GPC6: variants seen among roughly 807,000 people sequenced by gnomAD.
GPC6 encodes glypican-6.
Under a neutral mutation model 55.2 loss-of-function variants are expected in GPC6, and 14 were observed. The ratio of observed to expected loss-of-function variants is 0.25; its 90% CI spans 0.17 to 0.40. The LOEUF (loss-of-function observed/expected upper bound fraction) is 0.40. Among genes scored for constraint, GPC6 ranks in the 10% least tolerant of loss-of-function variants. The probability of loss-of-function intolerance (pLI) is 1.00; values close to 1 mark genes in which losing one functional copy is unlikely to be tolerated. For missense variants in GPC6, 641 were observed against 708.5 expected, an observed-to-expected ratio of 0.90 and a Z score of 1.08; for synonymous variants, 278 against 259.6, an observed-to-expected ratio of 1.07 and a Z score of -0.68.
intron 1 of GPC6, among the ~76,000 whole-genome samples, chr13:93,389,286 A>G (rs1258791648): frequency 1.3e-5 from 2 of 152,060 alleles, no homozygotes; most frequent in Non-Finnish European, 2.9e-5. Context: ...TCACGAGGTC[A>G]GGAGATCGAG....
intron 1 of GPC6, among the ~76,000 whole-genome samples, chr13:93,526,830 A>G (rs1037601955): frequency 6.6e-6 from 1 of 152,082 alleles, no homozygotes; most frequent in African/African-American, 2.4e-5. Context: ...TCAGATTGTT[A>G]TTTTGCATAT....
chr13:93,956,459 A>T (rs1441934871), intron 3 of GPC6, among the ~76,000 whole-genome samples: 1 of 152,182 alleles, frequency 6.6e-6, no homozygotes, highest in Non-Finnish European at 1.5e-5. Flanking sequence ...ACAGAAATTC[A>T]CATTAAATAC....
At chr13:93,516,577 A>C (rs1881201707) in intron 1 of GPC6, among the ~76,000 whole-genome samples, 1 of 152,204 alleles carries the variant, frequency 6.6e-6, no homozygotes, top group African/African-American at 2.4e-5. Flanking sequence ...AATCAATGTA[A>C]GTTAAGTTTT....
At chr13:94,049,269 A>G (rs1180098079) in intron 4 of GPC6, among the ~76,000 whole-genome samples, 1 of 145,416 alleles carries the variant, frequency 6.9e-6, no homozygotes, top group Non-Finnish European at 1.5e-5. Flanking sequence ...AAAAAGAGGC[A>G]TTGTCCCTGT....
At chr13:94,388,879 G>A (rs747779691) in intron 7 of GPC6, among the ~76,000 whole-genome samples, 1 of 152,094 alleles carries the variant, frequency 6.6e-6, no homozygotes, top group African/African-American at 2.4e-5. Context: ...ATCACACTGG[G>A]GATTAGGGCT....
intron 4 of GPC6, among the ~76,000 whole-genome samples, chr13:94,241,148 G>A (rs576429939): frequency 3.9e-5 from 6 of 152,264 alleles, no homozygotes; most frequent in Admixed American, 1.3e-4. Context: ...TCTTGGTCAC[G>A]TGAGGATACA....
Position 93,656,216 on chromosome 13 carries a change from CA to C in GPC6, c.319+110796del, listed in dbSNP as rs1296135523. Among the ~76,000 whole-genome samples, 7 of 152,156 alleles carry C rather than the reference CA, an allele frequency of 4.6e-5. No individual in the cohort carries two copies. The East Asian group carries it at 1.4e-3, about 29-fold the overall frequency. ...AATTGTGAAGATATACAAAAAGAAACATATTGGATAATGTAAACGGTGTCAG... is the reference window on the plus strand; with the variant it reads ...AATTGTGAAGATATACAAAAAGAAACTATTGGATAATGTAAACGGTGTCAG... On this transcript the variant is annotated intron_variant, in intron 2 of 8. Transcript: ENST00000377047.
chr13:93,449,604 G>A (rs1878143778), intron 1 of GPC6, among the ~76,000 whole-genome samples: 1 of 152,120 alleles, frequency 6.6e-6, no homozygotes, highest in South Asian at 2.1e-4. Flanking sequence ...GAGGTGGGTG[G>A]ATCACCTGAG....
chr13:93,348,916 A>G (rs1200162199), intron 1 of GPC6, among the ~76,000 whole-genome samples: 1 of 152,180 alleles, frequency 6.6e-6, no homozygotes, highest in Non-Finnish European at 1.5e-5. Context: ...TCCCCTCCAT[A>G]GAGAATACAT....
chr13:93,812,347 CTG>C (rs1179457181), intron 2 of GPC6, among the ~76,000 whole-genome samples: 4 of 151,412 alleles, frequency 2.6e-5, no homozygotes, highest in Non-Finnish European at 5.9e-5. Flanking sequence ...GGTCGTGCCA[CTG>C]CACTCCAGCC....
At chr13:93,767,970 A>T (rs1473425001) in intron 2 of GPC6, among the ~76,000 whole-genome samples, 3 of 152,142 alleles carry the variant, frequency 2.0e-5, no homozygotes, top group Non-Finnish European at 4.4e-5. Flanking sequence ...AGTTACAAGC[A>T]CTATGGAAAT....
At chr13:94,087,216 G>C (rs1254745271) in intron 4 of GPC6, among the ~76,000 whole-genome samples, 2 of 152,178 alleles carry the variant, frequency 1.3e-5, no homozygotes, top group Non-Finnish European at 2.9e-5. Flanking sequence ...AAGAAATTCT[G>C]CCTTTCATAT....
At chr13:93,508,369 G>A (rs1269652780) in intron 1 of GPC6, among the ~76,000 whole-genome samples, 4 of 152,190 alleles carry the variant, frequency 2.6e-5, no homozygotes, top group South Asian at 4.1e-4. Context: ...AGGGAATACA[G>A]AGTGCAAAAT....
rs560770853 is a variant in GPC6, at chr13:93,479,460, G to A, written c.161-65803G>A. Reference sequence around the variant, plus strand: ...AGATGATCTGAGAAGTTAAAGTTAGGAGAAGTATCTAACAATTAGCGCTGT... The same window carrying A: ...AGATGATCTGAGAAGTTAAAGTTAGAAGAAGTATCTAACAATTAGCGCTGT... On this transcript the variant is annotated intron_variant, in intron 1 of 8. Coordinates refer to ENST00000377047, the MANE Select transcript of GPC6 (RefSeq NM_005708.5). Among the ~76,000 whole-genome samples, 6 of 152,232 alleles carry A rather than the reference G, an allele frequency of 3.9e-5. No individual in the cohort carries two copies. In the South Asian group the frequency reaches 1.2e-3, roughly 32 times the overall value.
chr13:93,979,580 G>A (rs1346002470), intron 3 of GPC6, among the ~76,000 whole-genome samples: 1 of 152,012 alleles, frequency 6.6e-6, no homozygotes, highest in African/African-American at 2.4e-5. Flanking sequence ...GAAATTGAAA[G>A]TAAGCATTTA....
At chr13:94,071,936 C>T (rs1458069880) in intron 4 of GPC6, among the ~76,000 whole-genome samples, 1 of 152,198 alleles carries the variant, frequency 6.6e-6, no homozygotes, top group Non-Finnish European at 1.5e-5. Flanking sequence ...TACAGATAGA[C>T]TTTCCTAAAT....
intron 2 of GPC6, among the ~76,000 whole-genome samples, chr13:93,672,605 G>A (rs1373937440): frequency 6.6e-6 from 1 of 150,610 alleles, no homozygotes; most frequent in African/African-American, 2.4e-5. Context: ...AATTGAATTG[G>A]ACTTCTTTCA....
intron 2 of GPC6, among the ~76,000 whole-genome samples, chr13:93,701,129 G>T (rs890735671): frequency 6.6e-6 from 1 of 152,038 alleles, no homozygotes; most frequent in African/African-American, 2.4e-5. Context: ...ACAAGGAGAG[G>T]TTATAAAATA....
chr13:94,193,531 T>C (rs993183917), intron 4 of GPC6, among the ~76,000 whole-genome samples: 1 of 152,164 alleles, frequency 6.6e-6, no homozygotes, highest in Admixed American at 6.5e-5. Flanking sequence ...TCGAGTGTGC[T>C]GTAGCATATG....
Sources: allele counts gnomAD v4.1 joint callset (sites outside exome capture counted in the v4.1 genomes callset), GRCh38; gene constraint gnomAD v4.1.1; transcripts MANE v1.5; gene names NCBI Gene and HGNC (gene_info 2026-07-23, HGNC 2026-07-21).